The following RFC3 variants were observed in gnomAD, a reference collection of about 807,000 sequenced individuals.
RFC3 encodes the protein replication factor C subunit 3, also known as A1 38 kDa subunit.
Under a neutral mutation model 45.1 loss-of-function variants are expected in RFC3, and 41 were observed. That is an observed-to-expected ratio of 0.91 (90% confidence interval 0.71 to 1.18). RFC3 has a LOEUF of 1.18. RFC3 is among the 50% of genes most tolerant of loss of function. RFC3 has a pLI of 0.00. For missense variants in RFC3, 423 were observed against 428.1 expected (o/e 0.99, Z 0.10); for synonymous variants, 149 against 144.0 (o/e 1.03, Z -0.25).
chr13:33,926,041 A>T (rs926121391), intron 8 of RFC3, among the ~76,000 whole-genome samples: 3 of 152,038 alleles, frequency 2.0e-5, no homozygotes, highest in Admixed American at 1.3e-4. Flanking sequence ...AAAAATGATG[A>T]GTTCATGTCC....
chr13:33,836,878 A>C lies in RFC3; in HGVS notation c.*583A>C. ...TAGTATTAGGTCGGTACTAAGAAAT[A>C]AGCATGTTTTCACTAATTTAAGTAC... On this transcript the variant is annotated 3_prime_UTR_variant, in exon 9 of 9. Coordinates refer to ENST00000380071, the MANE Select transcript of RFC3 (RefSeq NM_002915.4). 4.1e-6 allele frequency: 4 copies of C among 984,460 alleles called. No homozygotes were observed. Among genetic ancestry groups the C allele is most frequent in the Non-Finnish European group, 4.8e-6 (4 of 829,074 alleles). The allele number at this position is 984,460 out of a possible 1,614,324, so 61.0% of individuals were successfully genotyped here.
At chr13:33,877,405 C>T (rs2082455452) in intron 8 of RFC3, among the ~76,000 whole-genome samples, 1 of 152,014 alleles carries the variant, frequency 6.6e-6, no homozygotes, top group Non-Finnish European at 1.5e-5. Context: ...TTTGTAAAAG[C>T]GGTAAGAAAT....
At chr13:33,841,684 A>G (rs2082199778), downstream of RFC3, among the ~76,000 whole-genome samples, 3 of 152,202 alleles carry the variant, frequency 2.0e-5, no homozygotes, top group South Asian at 2.1e-4. Context: ...ATAGGGGTCT[A>G]TGCCCTTAAC....
At chr13:33,959,471 T>G (rs2083042605) in intron 8 of RFC3, among the ~76,000 whole-genome samples, 1 of 152,162 alleles carries the variant, frequency 6.6e-6, no homozygotes, top group Admixed American at 6.5e-5. Context: ...TCCCTTGCCA[T>G]AGACCCCTGA....
At chr13:33,962,865 T>C (rs1376306144) in intron 8 of RFC3, among the ~76,000 whole-genome samples, 1 of 152,116 alleles carries the variant, frequency 6.6e-6, no homozygotes, top group African/African-American at 2.4e-5. Flanking sequence ...TGAGATTCTC[T>C]GAAAATTCAC....
chr13:33,879,773 G>A (rs2082470656), intron 8 of RFC3, among the ~76,000 whole-genome samples: 1 of 152,188 alleles, frequency 6.6e-6, no homozygotes, highest in South Asian at 2.1e-4. Context: ...CAGTTCTGGA[G>A]TGTAGAAGTC....
chr13:33,873,563 C>T (rs1230691245), intron 8 of RFC3, among the ~76,000 whole-genome samples: 2 of 152,124 alleles, frequency 1.3e-5, no homozygotes, highest in Non-Finnish European at 2.9e-5. Context: ...GGGTAACAAA[C>T]TGACAGAGAG....
intron 8 of RFC3, among the ~76,000 whole-genome samples, chr13:33,899,581 A>G (rs1004760685): frequency 6.6e-6 from 1 of 151,974 alleles, no homozygotes; most frequent in African/African-American, 2.4e-5. Context: ...CATTTTACTG[A>G]ATGCAAAAAA....
At chr13:33,974,015 A>G in the RFC3 span, among the ~76,000 whole-genome samples, 1 of 152,084 alleles carries the variant, frequency 6.6e-6, no homozygotes, top group Non-Finnish European at 1.5e-5. Context: ...CCCATAGGCC[A>G]TGTGCTCTAA....
Position 33,830,869 on chromosome 13 carries a change from G to A in RFC3, c.710+14G>A. The A allele has an allele frequency of 1.2e-6, 2 of 1,605,612 alleles. No homozygotes were observed. The highest frequency in any genetic ancestry group is 1.7e-6 in the Non-Finnish European group (2 of 1,177,154). Reference sequence around the variant, plus strand: ...CAGAGTGCAACAGTGAGTGGAAGGGGTAGTTACATTCTAGGACTTTGGCCC... The same window carrying A: ...CAGAGTGCAACAGTGAGTGGAAGGGATAGTTACATTCTAGGACTTTGGCCC... On this transcript the variant is annotated intron_variant, in intron 6 of 8. Coordinates refer to ENST00000380071, the MANE Select transcript of RFC3 (RefSeq NM_002915.4).
the RFC3 span, among the ~76,000 whole-genome samples, chr13:33,975,468 A>C: frequency 6.6e-6 from 1 of 152,250 alleles, no homozygotes; most frequent in African/African-American, 2.4e-5. Flanking sequence ...CTAATGGTAG[A>C]TACTTGCCAT....
At chr13:33,834,298 G>GTGTATATATATATATA (rs1302839326) in intron 7 of RFC3, among the ~76,000 whole-genome samples, 16 of 109,190 alleles carry the variant, frequency 1.5e-4, no homozygotes, top group African/African-American at 6.6e-4. Flanking sequence ...TGTACTGTGT[G>GTGTATATATATATATA]TATATATATA....
At chr13:33,823,025 A>C (rs927655070) in intron 2 of RFC3, among the ~76,000 whole-genome samples, 1 of 152,168 alleles carries the variant, frequency 6.6e-6, no homozygotes, top group Non-Finnish European at 1.5e-5. Flanking sequence ...TAGTCACAGG[A>C]GAAAAATATA....
At position 33,831,285 on chromosome 13, in the gene RFC3, C is replaced by T. The variant is rs1268231542; in HGVS notation, c.740C>T (p.Pro247Leu). The T allele has an allele frequency of 1.2e-5, 20 of 1,609,702 alleles. No individual in the cohort carries two copies. The highest frequency in any genetic ancestry group is 1.2e-5 in the Non-Finnish European group (14 of 1,176,162). ...QYPFTADQEI[P>L]ETDWEVYLRE... ...CCTTTTACTGCAGATCAAGAAATCC[C>T]TGAGACAGATTGGGAGGTGTATCTG... The change falls in exon 7 of 9, where the codon CCT becomes CTT. Residue 247 changes from proline to leucine, a missense_variant. Transcript: ENST00000380071.
chr13:33,971,519 C>CTACA (rs2083109268), downstream of RFC3, among the ~76,000 whole-genome samples: 1 of 152,214 alleles, frequency 6.6e-6, no homozygotes, highest in African/African-American at 2.4e-5. Flanking sequence ...GCTTTGTGAG[C>CTACA]TACATAGTCT....
chr13:33,823,981 C>T lies in RFC3; in HGVS notation c.290C>T (p.Pro97Leu). Residue 97 changes from proline to leucine, a missense_variant, in exon 3 of 9, where the codon CCT becomes CTT. Transcript: ENST00000380071. The part of the protein sequence containing the change: ...IASNYHLEVN[P>L]SDAGNSDRVV... ...AGTAACTACCACCTTGAAGTTAATC[C>T]TAGGTAAGTTACTACTATATAGAAA... 2 of 1,512,040 alleles carry T rather than the reference C, an allele frequency of 1.3e-6. No homozygotes were observed. The highest frequency in any genetic ancestry group is 1.8e-6 in the Non-Finnish European group (2 of 1,099,046). 93.7% of individuals were successfully genotyped at this position (1,512,040 alleles called of 1,614,324 possible). A position where few individuals can be genotyped will look rare whatever the true frequency, so the allele number is the denominator to read the frequency against.
intron 8 of RFC3, among the ~76,000 whole-genome samples, chr13:33,954,541 C>T (rs747153208): frequency 1.3e-5 from 2 of 152,176 alleles, no homozygotes; most frequent in Non-Finnish European, 2.9e-5. Context: ...TGTCTTAGTT[C>T]GTTCAGGCAG....
At chr13:33,832,588 C>A (rs894186352) in intron 7 of RFC3, among the ~76,000 whole-genome samples, 1 of 152,104 alleles carries the variant, frequency 6.6e-6, no homozygotes, top group South Asian at 2.1e-4. Context: ...TTGAAGAAAT[C>A]GATAGTTTTC....
downstream of RFC3, among the ~76,000 whole-genome samples, chr13:33,970,568 G>C (rs1248872715): frequency 6.6e-6 from 1 of 152,230 alleles, no homozygotes; most frequent in Non-Finnish European, 1.5e-5. Flanking sequence ...CGAAGAAACA[G>C]ATGCTGAGAC....
Sources: allele counts gnomAD v4.1 joint callset (sites outside exome capture counted in the v4.1 genomes callset), GRCh38; gene constraint gnomAD v4.1.1; transcripts MANE v1.5; gene names NCBI Gene and HGNC (gene_info 2026-07-23, HGNC 2026-07-21).